Variants in FER observed in about 807,000 individuals in gnomAD.
FER encodes the protein tyrosine-protein kinase Fer.
FER carries 63 observed loss-of-function variants against 111.0 expected under a neutral mutation model. That is an observed-to-expected ratio of 0.57 (90% confidence interval 0.46 to 0.70). FER has a LOEUF of 0.70. FER is among the 30% of genes least tolerant of loss of function. The pLI is 0.00. For missense variants in FER, 914 were observed against 954.0 expected (o/e 0.96, Z 0.55); for synonymous variants, 327 against 313.9 (o/e 1.04, Z -0.44).
At chr5:108,883,552 GT>G in intron 9 of FER, 34 bp downstream of exon 9, 1 of 1,512,648 alleles carries the variant, frequency 6.6e-7, no homozygotes, top group Non-Finnish European at 8.9e-7. Context: ...AAGGAAGAAT[GT>G]TTAATTGTAA....
At chr5:108,976,824 C>CTA (rs1761412299) in intron 13 of FER, among the ~76,000 whole-genome samples, 1 of 152,154 alleles carries the variant, frequency 6.6e-6, no homozygotes, top group Admixed American at 6.5e-5. Context: ...TGGTGGGCAT[C>CTA]TATAGCTTCA....
chr5:108,966,613 C>T (rs1330051225), intron 13 of FER, among the ~76,000 whole-genome samples: 2 of 151,926 alleles, frequency 1.3e-5, no homozygotes, highest in African/African-American at 4.8e-5. Flanking sequence ...GTCTCGAACT[C>T]GTGACCTCAT....
chr5:108,951,140 C>T (rs754694771), intron 11 of FER, among the ~76,000 whole-genome samples: 10 of 151,618 alleles, frequency 6.6e-5, no homozygotes, highest in South Asian at 2.1e-4. Context: ...TGGGGTGGTG[C>T]GCAATCCCAG....
intron 17 of FER, among the ~76,000 whole-genome samples, chr5:109,123,046 G>T (rs1207570149): frequency 6.6e-6 from 1 of 151,806 alleles, no homozygotes; most frequent in Non-Finnish European, 1.5e-5. Context: ...TTTGATTGGA[G>T]AGTTTAGTCC....
In FER at chr5:108,941,594, T is replaced by TATTAAATATGTC. The variant is rs1284968766; in HGVS notation, c.1237-4536_1237-4535insATTAAATATGTC. On this transcript the variant is annotated intron_variant, in intron 10 of 19. Coordinates refer to ENST00000281092, the MANE Select transcript of FER (RefSeq NM_005246.4). ...ACTGTTGTATCGTTATGTCCCTAAA[T>TATTAAATATGTC]TGTATTAAAAGCAGAATCTTAGTTA... 1.4e-4 allele frequency among the ~76,000 whole-genome samples: 22 copies of TATTAAATATGTC among 152,320 alleles called. 1 individual carries two copies. Among genetic ancestry groups the TATTAAATATGTC allele is most frequent in the African/African-American group, 5.3e-4 (22 of 41,582 alleles).
intron 9 of FER, among the ~76,000 whole-genome samples, chr5:108,887,297 T>G (rs994250822): frequency 7.3e-5 from 11 of 151,700 alleles, no homozygotes; most frequent in African/African-American, 2.7e-4. Context: ...TAATTTGAAT[T>G]TAATATATCC....
chr5:109,146,337 A>C (rs891577000), intron 17 of FER, among the ~76,000 whole-genome samples: 2 of 127,702 alleles, frequency 1.6e-5, no homozygotes, highest in Non-Finnish European at 3.3e-5. Flanking sequence ...TTACCAGTGA[A>C]GTGGAGAACC....
At chr5:109,128,379 G>C (rs1378537244) in intron 17 of FER, among the ~76,000 whole-genome samples, 1 of 151,852 alleles carries the variant, frequency 6.6e-6, no homozygotes, top group Non-Finnish European at 1.5e-5. Context: ...GTAAGTTTTG[G>C]GAACCTAAAA....
At chr5:109,165,407 G>A (rs1224044905) in intron 17 of FER, among the ~76,000 whole-genome samples, 2 of 152,110 alleles carry the variant, frequency 1.3e-5, no homozygotes, top group Non-Finnish European at 2.9e-5. Flanking sequence ...CTCGGAGTAT[G>A]GCATTTGCTG....
At chr5:109,002,364 C>T (rs1254296049) in intron 13 of FER, among the ~76,000 whole-genome samples, 1 of 151,098 alleles carries the variant, frequency 6.6e-6, no homozygotes, top group East Asian at 1.9e-4. Context: ...GAAAAACAAG[C>T]AATGGGGAAA....
At chr5:108,878,555 T>C (rs1765327292) in intron 8 of FER, among the ~76,000 whole-genome samples, 1 of 152,196 alleles carries the variant, frequency 6.6e-6, no homozygotes, top group Non-Finnish European at 1.5e-5. Context: ...GTAATTTCTT[T>C]AGTTTTGTTA....
intron 17 of FER, among the ~76,000 whole-genome samples, chr5:109,106,313 G>A (rs73779132): frequency 0.12 from 18,139 of 151,982 alleles, 1,152 homozygotes; most frequent in Non-Finnish European, 0.14. Flanking sequence ...AAATGCAGGA[G>A]CATTTTGTTG....
At chr5:109,037,264 T>A (rs1770530445) in intron 13 of FER, among the ~76,000 whole-genome samples, 158 bp from the exon 14 acceptor site, 1 of 152,080 alleles carries the variant, frequency 6.6e-6, no homozygotes, top group Non-Finnish European at 1.5e-5. Flanking sequence ...TTCTTAAATT[T>A]GTTTTACAGC....
At chr5:108,995,594 C>G (rs1013626316) in intron 13 of FER, among the ~76,000 whole-genome samples, 26 of 152,168 alleles carry the variant, frequency 1.7e-4, no homozygotes, top group African/African-American at 5.3e-4. Flanking sequence ...AAAACATGAA[C>G]TCATCCTTTT....
chr5:109,136,250 G>A (rs1024416890), intron 17 of FER, among the ~76,000 whole-genome samples: 85 of 151,794 alleles, frequency 5.6e-4, no homozygotes, highest in African/African-American at 1.9e-3. Context: ...CTGAGATCAC[G>A]CCACTGTACT....
At chr5:109,185,349 C>T (rs1249291299) in intron 18 of FER, among the ~76,000 whole-genome samples, 3 of 152,056 alleles carry the variant, frequency 2.0e-5, no homozygotes, top group African/African-American at 2.4e-5. Flanking sequence ...AAATATTTTT[C>T]GTAAATGAAA....
intron 6 of FER, among the ~76,000 whole-genome samples, chr5:108,868,228 G>T (rs1434169172): frequency 3.9e-5 from 6 of 152,054 alleles, no homozygotes; most frequent in African/African-American, 1.4e-4. Context: ...GTTGAAAAGT[G>T]TTAGGAAGTG....
rs546194025 is a variant in FER, at chr5:109,012,981, G to A, written c.1657-24441G>A. Among the ~76,000 whole-genome samples the A allele has an allele frequency of 2.0e-5, 3 of 151,148 alleles. No homozygotes were observed. In the South Asian group the frequency reaches 6.3e-4, roughly 32 times the overall value. On this transcript the variant is annotated intron_variant, in intron 13 of 19. Transcript: ENST00000281092. ...TTATTTCTCCCTTGGCTGAACGTGTGGAGCGGAATTACCTGTTACTAGAAT... is the reference window on the plus strand; with the variant it reads ...TTATTTCTCCCTTGGCTGAACGTGTAGAGCGGAATTACCTGTTACTAGAAT...
intron 13 of FER, among the ~76,000 whole-genome samples, chr5:109,031,223 G>C (rs1164179234): frequency 6.6e-6 from 1 of 151,994 alleles, no homozygotes. Flanking sequence ...CTGTTGTGGC[G>C]GTAGGATGGA....
Sources: allele counts gnomAD v4.1 joint callset (sites outside exome capture counted in the v4.1 genomes callset), GRCh38; gene constraint gnomAD v4.1.1; transcripts MANE v1.5; gene names NCBI Gene and HGNC (gene_info 2026-07-23, HGNC 2026-07-21).